ERN2: variants seen among roughly 807,000 people sequenced by gnomAD.
ERN2 encodes serine/threonine-protein kinase/endoribonuclease IRE2.
ERN2 carries 111 observed loss-of-function variants against 107.9 expected under a neutral mutation model. The observed-to-expected ratio is 1.03, with a 90% CI of 0.88 to 1.20. The LOEUF (loss-of-function observed/expected upper bound fraction) is 1.20, where lower values mean the gene tolerates loss of function less well. Among genes scored for constraint, ERN2 ranks in the 50% most tolerant of loss-of-function variants. The probability of loss-of-function intolerance (pLI) is 0.00; values close to 1 mark genes in which losing one functional copy is unlikely to be tolerated. For missense variants in ERN2, 1,225 were observed against 1,197.9 expected (o/e 1.02, Z -0.33); for synonymous variants, 524 against 501.7 (o/e 1.04, Z -0.59).
chr16:23,694,697 TG>T (rs1222984706), intron 17 of ERN2, 30 bp downstream of exon 17: 1 of 1,557,940 alleles, frequency 6.4e-7, no homozygotes, highest in Non-Finnish European at 8.7e-7. Context: ...GGGGCAGCTG[TG>T]TGCCTGGAGG....
chr16:23,700,894 G>A (rs757201464), intron 12 of ERN2, 65 bp downstream of exon 12: 7 of 1,550,618 alleles, frequency 4.5e-6, no homozygotes, highest in Non-Finnish European at 6.1e-6. Flanking sequence ...GAGTTGCTGA[G>A]TGGTCTCAGA....
chr16:23,705,242 G>A (rs890975273), intron 7 of ERN2, 95 bp from the exon 8 acceptor site: 34 of 1,360,156 alleles, frequency 2.5e-5, no homozygotes, highest in Non-Finnish European at 3.2e-5. Context: ...CTGGTGTGTG[G>A]AGATCACATG....
chr16:23,693,636 A>T (rs1189018633), intron 17 of ERN2, among the ~76,000 whole-genome samples: 1 of 151,934 alleles, frequency 6.6e-6, no homozygotes, highest in Non-Finnish European at 1.5e-5. Flanking sequence ...TTTAAATATA[A>T]ACTGTATAGT....
Position 23,707,079 on chromosome 16 carries a change from T to C in ERN2, c.307A>G (p.Lys103Glu). ...LGTQKQQGLM[K>E]LPFTIPELVH... ...AGCTCAGGGATGGTGAATGGCAGTT[T>C]CTAGGAGACGGAAAATTTACAGGAA... Residue 103 changes from lysine (K) to glutamate (E), a missense_variant and splice_region_variant, in exon 5 of 22, where the codon AAA becomes GAA. Physicochemically the swap from Lys to Glu is moderately conservative, Grantham distance 56 (BLOSUM62 1). Transcript: ENST00000256797. The C allele has an allele frequency of 6.2e-7, 1 of 1,613,522 alleles. No individual in the cohort carries two copies. Among genetic ancestry groups the C allele is most frequent in the South Asian group, 1.1e-5 (1 of 91,064 alleles).
At position 23,694,886 on chromosome 16, in the gene ERN2, G is replaced by A; in HGVS notation, c.1942C>T (p.Pro648Ser). The A allele has an allele frequency of 1.2e-6, 2 of 1,614,226 alleles. No individual in the cohort carries two copies. The highest frequency in any genetic ancestry group is 2.2e-5 in the East Asian group (1 of 44,884). Residue 648 changes from proline (P) to serine (S), a missense_variant, in exon 17 of 22, where the codon CCT becomes TCT. By Grantham distance (74) the Pro-to-Ser change is moderately conservative. Coordinates refer to ENST00000256797, the MANE Select transcript of ERN2 (RefSeq NM_033266.4). The stretch of plus-strand genomic sequence containing the variant: ...ACTCTGCCCAGGCCCTGGCTGTCAG[G>A]CCCGGTGATGAGAATATTTCCTGGC... ...LKPGNILITG[P>S]DSQGLGRVVL...
chr16:23,690,806 C>T lies in ERN2; in HGVS notation c.*25G>A. On this transcript the variant is annotated 3_prime_UTR_variant, in exon 22 of 22. Coordinates refer to ENST00000256797, the MANE Select transcript of ERN2 (RefSeq NM_033266.4). Reference sequence around the variant, plus strand: ...GCTCTTCAGTGAGCCAGCACGGAGACCATCTGTGTGGCATCCAGCCCACCT... The same window carrying T: ...GCTCTTCAGTGAGCCAGCACGGAGATCATCTGTGTGGCATCCAGCCCACCT... 3 of 1,589,226 alleles carry T rather than the reference C, an allele frequency of 1.9e-6. No individual in the cohort carries two copies. The highest frequency in any genetic ancestry group is 1.9e-4 in the Middle Eastern group (1 of 5,272).
intron 19 of ERN2, 59 bp downstream of exon 19, chr16:23,691,904 T>C: frequency 1.3e-6 from 2 of 1,573,030 alleles, no homozygotes; most frequent in Non-Finnish European, 1.7e-6. Flanking sequence ...TCCCATTTCT[T>C]ATTGCCCAGG....
intron 8 of ERN2, among the ~76,000 whole-genome samples, chr16:23,703,866 G>C (rs1325881839): frequency 6.6e-6 from 1 of 152,068 alleles, no homozygotes; most frequent in Non-Finnish European, 1.5e-5. Flanking sequence ...TCTTGATGTG[G>C]GTACTCTTCC....
At chr16:23,697,861 A>G (rs566904318) in intron 13 of ERN2, among the ~76,000 whole-genome samples, 8 of 152,114 alleles carry the variant, frequency 5.3e-5, no homozygotes, top group African/African-American at 1.9e-4. Context: ...GGCTCAAGCA[A>G]TCCTCCTGCC....
intron 7 of ERN2, among the ~76,000 whole-genome samples, chr16:23,705,828 C>T (rs1456937688): frequency 1.3e-5 from 2 of 152,146 alleles, no homozygotes; most frequent in East Asian, 1.9e-4. Flanking sequence ...GATAGGGGAT[C>T]ACTTCAGCCC....
At chr16:23,700,509 GACTGCC>G (rs1960002868) in intron 13 of ERN2, 24 bp downstream of exon 13, 1 of 1,574,826 alleles carries the variant, frequency 6.3e-7, no homozygotes, top group Admixed American at 1.9e-5. Context: ...CTCTGTTCCT[GACTGCC>G]CTGTCTTGTT....
rs548015936 is a variant in ERN2 at position 23,708,840 on chromosome 16, T to C, written c.306+1332A>G. 5.3e-5 allele frequency among the ~76,000 whole-genome samples: 8 copies of C among 152,330 alleles called. No individual in the cohort carries two copies. The East Asian group carries it at 1.4e-3, about 26-fold the overall frequency. On this transcript the variant is annotated intron_variant, in intron 4 of 21. Coordinates refer to ENST00000256797, the MANE Select transcript of ERN2 (RefSeq NM_033266.4). ...CCAGAAGCAGAAGCTACTACATTTCTTGTACAGCCTGTAGAACCATGAGTC... is the reference window on the plus strand; with the variant it reads ...CCAGAAGCAGAAGCTACTACATTTCCTGTACAGCCTGTAGAACCATGAGTC...
chr16:23,692,514 T>TA (rs1350637205), intron 17 of ERN2, among the ~76,000 whole-genome samples, 183 bp from the exon 18 acceptor site: 1 of 152,192 alleles, frequency 6.6e-6, no homozygotes, highest in Non-Finnish European at 1.5e-5. Context: ...AGGGGGCCCA[T>TA]GGTTTTCATC....
intron 2 of ERN2, 137 bp from the exon 3 acceptor site, chr16:23,710,686 C>T (rs1960505188): frequency 9.4e-7 from 1 of 1,068,346 alleles, no homozygotes; most frequent in Non-Finnish European, 1.4e-6. Context: ...CCCAAAAACT[C>T]TGTCAGATAG....
chr16:23,691,696 T>G (rs1173257208), intron 19 of ERN2, among the ~76,000 whole-genome samples: 1 of 152,182 alleles, frequency 6.6e-6, no homozygotes, highest in Non-Finnish European at 1.5e-5. Context: ...TGGCACAGCA[T>G]GAATGATGAC....
chr16:23,695,165 C>G (rs1262876496), intron 15 of ERN2, 35 bp downstream of exon 15: 1 of 1,613,594 alleles, frequency 6.2e-7, no homozygotes, highest in South Asian at 1.1e-5. Flanking sequence ...CCCGGACCTT[C>G]CCACTCACCC....
chr16:23,691,891 A>G, intron 19 of ERN2, 72 bp downstream of exon 19: 1 of 1,550,416 alleles, frequency 6.4e-7, no homozygotes, highest in South Asian at 1.2e-5. Context: ...AGCTAATCTA[A>G]TATCCCATTT....
At chr16:23,695,418 G>A (rs1597143836) in intron 14 of ERN2, 29 bp from the exon 15 acceptor site, 3 of 1,554,474 alleles carry the variant, frequency 1.9e-6, no homozygotes, top group Non-Finnish European at 2.6e-6. Context: ...CGGGGGCAGG[G>A]GGGCATTCAG....
chr16:23,700,987 C>T lies in ERN2; in HGVS notation c.1331G>A (p.Gly444Glu), dbSNP rs965841095. Residue 444 changes from glycine to glutamate, a missense_variant, in exon 12 of 22, where the codon GGA becomes GAA. Coordinates refer to ENST00000256797, the MANE Select transcript of ERN2 (RefSeq NM_033266.4). The stretch of plus-strand genomic sequence containing the variant: ...CCTCATCACAAAGAGAATCCACCCT[C>T]CCAGGAGGACAGCAGTGAGGCTAGC... ...LAASLTAVLL[G>E]GWILFVMRQQ... 3 of 1,614,126 alleles carry T rather than the reference C, an allele frequency of 1.9e-6. No homozygotes were observed. Among genetic ancestry groups the T allele is most frequent in the Non-Finnish European group, 2.5e-6 (3 of 1,179,982 alleles).
Sources: allele counts gnomAD v4.1 joint callset (sites outside exome capture counted in the v4.1 genomes callset), GRCh38; gene constraint gnomAD v4.1.1; transcripts MANE v1.5; gene names NCBI Gene and HGNC (gene_info 2026-07-23, HGNC 2026-07-21).